The following KTN1 variants were observed in gnomAD, a reference collection of about 807,000 sequenced individuals.
KTN1 encodes kinectin.
In KTN1, 130 loss-of-function variants were observed where a neutral mutation model predicts 222.5. The observed-to-expected ratio is 0.58, with a 90% CI of 0.51 to 0.68. The LOEUF is 0.68. Among genes scored for constraint, KTN1 ranks in the 30% least tolerant of loss-of-function variants. The pLI, the probability that KTN1 is intolerant of heterozygous loss-of-function variation, is 0.00. For missense variants in KTN1, 1,508 were observed against 1,500.4 expected, an observed-to-expected ratio of 1.01 and a Z score of -0.08; for synonymous variants, 512 against 496.3, an observed-to-expected ratio of 1.03 and a Z score of -0.42.
In KTN1 at chr14:55,616,673, T is replaced by C; in HGVS notation, c.661+19T>C. The C allele has an allele frequency of 6.4e-7, 1 of 1,571,394 alleles. No homozygotes were observed. Among genetic ancestry groups the C allele is most frequent in the Non-Finnish European group, 8.6e-7 (1 of 1,163,338 alleles). On this transcript the variant is annotated intron_variant, in intron 3 of 43. Coordinates refer to ENST00000395314, the MANE Select transcript of KTN1 (RefSeq NM_001079521.2). Reference sequence around the variant, plus strand: ...GAAAATGGTGAGATGTTTAGATATGTATTTTTATAATGCTAATTCTAGAGA... The same window carrying C: ...GAAAATGGTGAGATGTTTAGATATGCATTTTTATAATGCTAATTCTAGAGA...
intron 1 of KTN1, among the ~76,000 whole-genome samples, chr14:55,604,593 A>G (rs965983932): frequency 3.9e-5 from 6 of 152,222 alleles, no homozygotes; most frequent in African/African-American, 1.4e-4. Flanking sequence ...TATACTGCAT[A>G]CTAATTGTTG....
intron 43 of KTN1, chr14:55,681,601 T>C (rs2046371904): frequency 6.6e-6 from 1 of 152,192 alleles, no homozygotes; most frequent in South Asian, 2.1e-4. Context: ...CTGTATACCC[T>C]CACAACGCAG....
chr14:55,597,422 A>G (rs1286379500), intron 1 of KTN1, among the ~76,000 whole-genome samples: 1 of 152,204 alleles, frequency 6.6e-6, no homozygotes, highest in East Asian at 1.9e-4. Context: ...CGGATTCTTC[A>G]TTTGTACTTG....
chr14:55,661,620 G>T lies in KTN1; in HGVS notation c.3090+8G>T. ...CAGAGGAAGAAAAACAATGTAAGTA[G>T]ATCTTTATCAGAATGAAGCTTTTCT... On this transcript the variant is annotated splice_region_variant and intron_variant, in intron 32 of 43. Coordinates refer to ENST00000395314, the MANE Select transcript of KTN1 (RefSeq NM_001079521.2). 1 of 1,438,184 alleles carries T rather than the reference G, an allele frequency of 7.0e-7. No homozygotes were observed. The highest frequency in any genetic ancestry group is 9.8e-7 in the Non-Finnish European group (1 of 1,025,306). 89.1% of individuals were successfully genotyped at this position (1,438,184 alleles called of 1,614,324 possible).
intron 1 of KTN1, among the ~76,000 whole-genome samples, chr14:55,597,354 T>C (rs753399606): frequency 2.6e-5 from 4 of 152,232 alleles, no homozygotes; most frequent in Non-Finnish European, 5.9e-5. Flanking sequence ...ATTGTGAATG[T>C]ATTAAAGCAA....
At chr14:55,679,346 A>G (rs2046167475) in intron 42 of KTN1, 1 of 405,048 alleles carries the variant, frequency 2.5e-6, no homozygotes, top group Non-Finnish European at 4.3e-6. Context: ...TCCAAGTGAC[A>G]ACATTTATAA....
chr14:55,606,764 G>A (rs1472711657), intron 1 of KTN1, among the ~76,000 whole-genome samples: 1 of 152,044 alleles, frequency 6.6e-6, no homozygotes, highest in Non-Finnish European at 1.5e-5. Flanking sequence ...TTGTTTCAAT[G>A]TGCAATTTTA....
intron 1 of KTN1, among the ~76,000 whole-genome samples, chr14:55,596,888 G>T (rs1417402877): frequency 1.3e-5 from 2 of 151,544 alleles, no homozygotes; most frequent in South Asian, 2.1e-4. Flanking sequence ...CCAATTCAAG[G>T]TAATTATATC....
intron 2 of KTN1, among the ~76,000 whole-genome samples, chr14:55,613,108 CATTATGCTAGGT>C (rs2140638224): frequency 6.6e-6 from 1 of 152,248 alleles, no homozygotes; most frequent in East Asian, 1.9e-4. Flanking sequence ...TTATGCTAGG[CATTATGCTAGGT>C]ATTAGGGCTA....
chr14:55,634,819 T>TA (rs1434554689), intron 9 of KTN1, among the ~76,000 whole-genome samples, 161 bp downstream of exon 9: 1 of 152,084 alleles, frequency 6.6e-6, no homozygotes, highest in Non-Finnish European at 1.5e-5. Flanking sequence ...TCAGGAAACT[T>TA]ACAATCATGG....
intron 18 of KTN1, among the ~76,000 whole-genome samples, chr14:55,645,696 C>A (rs2042215772): frequency 6.6e-6 from 1 of 152,036 alleles, no homozygotes; most frequent in African/African-American, 2.4e-5. Context: ...ATTATTTTTT[C>A]CCATTGGGAA....
chr14:55,599,134 T>C (rs2140443387), intron 1 of KTN1, among the ~76,000 whole-genome samples: 1 of 152,316 alleles, frequency 6.6e-6, no homozygotes, highest in Non-Finnish European at 1.5e-5. Flanking sequence ...TGTGTACATA[T>C]GTATGTACAC....
intron 32 of KTN1, among the ~76,000 whole-genome samples, chr14:55,662,536 A>T (rs2044263371): frequency 6.6e-6 from 1 of 152,192 alleles, no homozygotes; most frequent in Non-Finnish European, 1.5e-5. Context: ...GGAATTTCTT[A>T]ACTTTTCTCA....
Position 55,649,791 on chromosome 14 carries a change from C to A in KTN1, c.2383C>A (p.Leu795Ile). The A allele has an allele frequency of 6.6e-7, 1 of 1,521,756 alleles. No individual in the cohort carries two copies. Among genetic ancestry groups the A allele is most frequent in the Non-Finnish European group, 9.0e-7 (1 of 1,108,946 alleles). The allele number at this position is 1,521,756 out of a possible 1,614,324, so 94.3% of individuals were successfully genotyped here. Residue 795 changes from leucine (L) to isoleucine (I), a missense_variant, in exon 22 of 44, where the codon CTA becomes ATA. Leu to Ile is a conservative substitution (Grantham distance 5). Coordinates refer to ENST00000395314, the MANE Select transcript of KTN1 (RefSeq NM_001079521.2). ...KQNDQVSFAS[L>I]VEELKKVIHE... ...CTATTTCCAGGTTTCTTTTGCCTCT[C>A]TAGTTGAAGAACTTAAGAAAGTGTA...
At chr14:55,603,341 T>G (rs1448898324) in intron 1 of KTN1, among the ~76,000 whole-genome samples, 2 of 152,240 alleles carry the variant, frequency 1.3e-5, no homozygotes, top group African/African-American at 2.4e-5. Context: ...TTAAATTCAT[T>G]TCAATCAGGT....
intron 30 of KTN1, 31 bp downstream of exon 30, chr14:55,658,645 TTACG>T: frequency 7.1e-7 from 1 of 1,403,400 alleles, no homozygotes; most frequent in Non-Finnish European, 9.9e-7. Context: ...TGCCTTTCAC[TTACG>T]TGGCAAAAAA....
chr14:55,655,291 CT>C (rs2043354867), intron 28 of KTN1, among the ~76,000 whole-genome samples: 1 of 152,136 alleles, frequency 6.6e-6, no homozygotes, highest in Non-Finnish European at 1.5e-5. Context: ...GGATTGCCTT[CT>C]TTTACTTAGC....
rs556203686 is a variant in KTN1 at position 55,662,918 on chromosome 14, T to TGCA, written c.3091-1022_3091-1020dup. 880 of 455,916 alleles carry TGCA rather than the reference T, an allele frequency of 1.9e-3. 1 individual carries two copies. Among genetic ancestry groups the TGCA allele is most frequent in the Non-Finnish European group, 3.1e-3 (712 of 226,730 alleles). 28.2% of individuals were successfully genotyped at this position (455,916 alleles called of 1,614,324 possible). On this transcript the variant is annotated intron_variant, in intron 32 of 43. Coordinates refer to ENST00000395314, the MANE Select transcript of KTN1 (RefSeq NM_001079521.2). ...TTCTGAGATAAGGAGGGCATGGTAATGCAGCAGCAGCAGCAGCGCTGGAGA... is the reference window on the plus strand; with the variant it reads ...TTCTGAGATAAGGAGGGCATGGTAATGCAGCAGCAGCAGCAGCAGCGCTGGAGA...
At chr14:55,648,970 G>T (rs2042666345) in intron 21 of KTN1, 100 bp downstream of exon 21, 1 of 787,966 alleles carries the variant, frequency 1.3e-6, no homozygotes, top group Admixed American at 2.4e-5. Flanking sequence ...CTTTTGCCCA[G>T]GCTGGAGTGC....
Sources: gnomAD v4.1 joint callset for allele counts (sites outside exome capture counted in the v4.1 genomes callset) on GRCh38, gnomAD v4.1.1 for gene constraint, MANE v1.5 for transcripts, NCBI Gene and HGNC (gene_info 2026-07-23, HGNC 2026-07-21) for gene names.